The following NKAIN2 variants were observed in gnomAD, a reference collection of about 807,000 sequenced individuals.
The protein encoded by NKAIN2 is sodium/potassium transporting ATPase interacting 2, also known as sodium/potassium-transporting ATPase subunit beta-1-interacting protein 2.
Under a neutral mutation model 32.6 loss-of-function variants are expected in NKAIN2, and 14 were observed. That is an observed-to-expected ratio of 0.43 (90% CI 0.28 to 0.67). The LOEUF is 0.67. Among genes scored for constraint, NKAIN2 ranks in the 30% least tolerant of loss-of-function variants. NKAIN2 has a pLI of 0.17. For missense variants in NKAIN2, 198 were observed against 258.3 expected, an observed-to-expected ratio of 0.77 and a Z score of 1.60; for synonymous variants, 80 against 87.2, an observed-to-expected ratio of 0.92 and a Z score of 0.46.
intron 1 of NKAIN2, among the ~76,000 whole-genome samples, chr6:124,193,577 C>A (rs1007432344): frequency 6.6e-6 from 1 of 152,192 alleles, no homozygotes; most frequent in African/African-American, 2.4e-5. Context: ...GGCCGCAGCT[C>A]TTCTCTCCTT....
At chr6:124,753,253 T>G (rs1322375851) in intron 4 of NKAIN2, among the ~76,000 whole-genome samples, 3 of 152,170 alleles carry the variant, frequency 2.0e-5, no homozygotes, top group African/African-American at 7.2e-5. Context: ...TCATGTCACC[T>G]TGTCTGCAGA....
intron 4 of NKAIN2, among the ~76,000 whole-genome samples, chr6:124,675,129 T>C (rs887604745): frequency 6.6e-6 from 1 of 152,136 alleles, no homozygotes; most frequent in Admixed American, 6.5e-5. Context: ...TTGAGATTTT[T>C]AAATTCCTTC....
At chr6:124,210,135 A>T (rs1582852471) in intron 1 of NKAIN2, among the ~76,000 whole-genome samples, 1 of 151,828 alleles carries the variant, frequency 6.6e-6, no homozygotes, top group Admixed American at 6.6e-5. Context: ...ATATGGCAGG[A>T]GATAGAGATC....
At chr6:123,932,821 C>T (rs2114526342) in intron 1 of NKAIN2, among the ~76,000 whole-genome samples, 1 of 150,864 alleles carries the variant, frequency 6.6e-6, no homozygotes, top group African/African-American at 2.4e-5. Flanking sequence ...TTTTGCATCA[C>T]CAGTGCTTTC....
chr6:124,041,362 G>A (rs1781864848), intron 1 of NKAIN2, among the ~76,000 whole-genome samples: 1 of 151,952 alleles, frequency 6.6e-6, no homozygotes, highest in Non-Finnish European at 1.5e-5. Flanking sequence ...AAACTGTGTT[G>A]GAGAGGCAGA....
intron 1 of NKAIN2, among the ~76,000 whole-genome samples, chr6:124,073,533 A>T (rs961863264): frequency 1.3e-5 from 2 of 152,194 alleles, no homozygotes; most frequent in Non-Finnish European, 2.9e-5. Flanking sequence ...AAAGAGTCAT[A>T]GATTTCCCTC....
At chr6:124,621,514 T>C (rs1217320035) in intron 3 of NKAIN2, among the ~76,000 whole-genome samples, 3 of 152,118 alleles carry the variant, frequency 2.0e-5, no homozygotes, top group Non-Finnish European at 4.4e-5. Flanking sequence ...CCCTACATTC[T>C]CCTCACATTC....
chr6:124,173,894 T>G (rs1789024626), intron 1 of NKAIN2, among the ~76,000 whole-genome samples: 1 of 152,136 alleles, frequency 6.6e-6, no homozygotes, highest in Admixed American at 6.5e-5. Context: ...ATTGATAATT[T>G]TAATCATTGA....
At position 124,323,782 on chromosome 6, in the gene NKAIN2, TTC is replaced by T. The variant is rs1387021977; in HGVS notation, c.193-31483_193-31482del. Among the ~76,000 whole-genome samples, 25 of 126,122 alleles carry T rather than the reference TTC, an allele frequency of 2.0e-4. 1 individual carries two copies. Among genetic ancestry groups the T allele is most frequent in the African/African-American group, 9.5e-4 (25 of 26,392 alleles). The allele number at this position is 126,122 out of a possible 152,430, so 82.7% of individuals were successfully genotyped here. On this transcript the variant is annotated intron_variant, in intron 2 of 6. Coordinates refer to ENST00000368417, the MANE Select transcript of NKAIN2 (RefSeq NM_001040214.3). ...TAGCTGTTTCAATTCTTTTAATTTT[TTC>T]TTTTTTTTTTTTTTTTTTTCTGAGA...
At chr6:124,417,266 T>G (rs1774532874) in intron 3 of NKAIN2, among the ~76,000 whole-genome samples, 1 of 152,210 alleles carries the variant, frequency 6.6e-6, no homozygotes, top group East Asian at 1.9e-4. Flanking sequence ...CTGAAAGTCT[T>G]AACAAAGATA....
chr6:123,892,908 C>T lies in NKAIN2; in HGVS notation c.54+88654C>T, dbSNP rs375931010. Among the ~76,000 whole-genome samples, 44 of 151,332 alleles carry T rather than the reference C, an allele frequency of 2.9e-4. 1 individual carries two copies. The highest frequency in any genetic ancestry group is 1.0e-3 in the African/African-American group (43 of 41,206). Reference sequence around the variant, plus strand: ...TTCTTGCCTTGATATTGATTGAGCTCAATCATCACGTATTTTTTTCTGAAA... The same window carrying T: ...TTCTTGCCTTGATATTGATTGAGCTTAATCATCACGTATTTTTTTCTGAAA... On this transcript the variant is annotated intron_variant, in intron 1 of 6. Coordinates refer to ENST00000368417, the MANE Select transcript of NKAIN2 (RefSeq NM_001040214.3).
chr6:123,827,242 G>T (rs944848394), intron 1 of NKAIN2, among the ~76,000 whole-genome samples: 2 of 152,110 alleles, frequency 1.3e-5, no homozygotes, highest in African/African-American at 4.8e-5. Context: ...GAAGTAGTTA[G>T]AAGTATGGTG....
At chr6:123,972,261 AG>A (rs1171520445) in intron 1 of NKAIN2, among the ~76,000 whole-genome samples, 1 of 152,218 alleles carries the variant, frequency 6.6e-6, no homozygotes, top group African/African-American at 2.4e-5. Context: ...GAAAGCCAAA[AG>A]TTACTGTGTG....
intron 5 of NKAIN2, among the ~76,000 whole-genome samples, chr6:124,817,186 G>C (rs2114875168): frequency 6.6e-6 from 1 of 152,048 alleles, no homozygotes; most frequent in South Asian, 2.1e-4. Context: ...GGACAGCTTT[G>C]AATACATCCT....
chr6:124,490,417 T>TTG (rs989762300), intron 3 of NKAIN2: 6 of 412,806 alleles, frequency 1.5e-5, no homozygotes, highest in African/African-American at 8.4e-5. Context: ...TAGAGGTTTT[T>TTG]TTTTTTTTTT....
At chr6:124,628,892 C>CA (rs1783457076) in intron 3 of NKAIN2, among the ~76,000 whole-genome samples, 1 of 151,920 alleles carries the variant, frequency 6.6e-6, no homozygotes, top group Admixed American at 6.6e-5. Context: ...AATATTACTA[C>CA]AAAAAAGATA....
chr6:124,817,098 G>A (rs1448734599), intron 5 of NKAIN2, among the ~76,000 whole-genome samples: 1 of 152,126 alleles, frequency 6.6e-6, no homozygotes, highest in Admixed American at 6.6e-5. Context: ...CCAAGACTGA[G>A]CTGACTCAAC....
chr6:124,775,834 A>AT (rs898535729), intron 4 of NKAIN2, among the ~76,000 whole-genome samples: 44 of 151,598 alleles, frequency 2.9e-4, no homozygotes, highest in East Asian at 1.4e-3. Flanking sequence ...TGAAATAATG[A>AT]TTTTTTTTTC....
chr6:124,184,541 A>G (rs2114557558), intron 1 of NKAIN2, among the ~76,000 whole-genome samples: 1 of 152,262 alleles, frequency 6.6e-6, no homozygotes. Flanking sequence ...TTGGTACAGC[A>G]CTGAGTATCC....
Sources: allele counts gnomAD v4.1 joint callset (sites outside exome capture counted in the v4.1 genomes callset), GRCh38; gene constraint gnomAD v4.1.1; transcripts MANE v1.5; gene names NCBI Gene and HGNC (gene_info 2026-07-23, HGNC 2026-07-21).